The following PPP3CA variants were observed in gnomAD, a reference collection of about 807,000 sequenced individuals.
PPP3CA encodes CAM-PRP catalytic subunit.
PPP3CA carries 14 observed loss-of-function variants against 66.5 expected under a neutral mutation model. That is an observed-to-expected ratio of 0.21 (90% confidence interval 0.14 to 0.33). The LOEUF is 0.33. Among genes scored for constraint, PPP3CA ranks in the 10% least tolerant of loss-of-function variants. PPP3CA has a pLI of 1.00. For synonymous variants in PPP3CA, 232 were observed against 226.2 expected, an observed-to-expected ratio of 1.03 and a Z score of -0.23; for missense variants, 317 against 639.5, an observed-to-expected ratio of 0.50 and a Z score of 5.44.
intron 1 of PPP3CA, among the ~76,000 whole-genome samples, chr4:101,312,631 A>C (rs1290370506): frequency 6.6e-6 from 1 of 152,156 alleles, no homozygotes; most frequent in African/African-American, 2.4e-5. Context: ...ATTAAAAAAA[A>C]GTTCCTCCTT....
intron 1 of PPP3CA, among the ~76,000 whole-genome samples, chr4:101,273,475 T>C (rs1727396117): frequency 6.6e-6 from 1 of 152,102 alleles, no homozygotes; most frequent in East Asian, 1.9e-4. Flanking sequence ...TACAAGTGCA[T>C]GCCACCATGC....
At chr4:101,267,489 G>GA (rs1431421900) in intron 1 of PPP3CA, among the ~76,000 whole-genome samples, 1 of 152,096 alleles carries the variant, frequency 6.6e-6, no homozygotes, top group Non-Finnish European at 1.5e-5. Context: ...TTACAGTACA[G>GA]AAACTGTGCT....
intron 2 of PPP3CA, among the ~76,000 whole-genome samples, chr4:101,150,953 C>A (rs1723117336): frequency 6.6e-6 from 1 of 152,006 alleles, no homozygotes; most frequent in African/African-American, 2.4e-5. Flanking sequence ...CTCTACCATG[C>A]TATAAATTAC....
chr4:101,299,714 T>C (rs1046623634), intron 1 of PPP3CA, among the ~76,000 whole-genome samples: 16 of 152,190 alleles, frequency 1.1e-4, no homozygotes, highest in African/African-American at 2.4e-4. Flanking sequence ...AATACCCCCA[T>C]TGTACCAAAT....
chr4:101,069,067 C>T (rs563086531), intron 8 of PPP3CA, among the ~76,000 whole-genome samples: 1 of 152,140 alleles, frequency 6.6e-6, no homozygotes, highest in East Asian at 1.9e-4. Flanking sequence ...TGGGGTCTTG[C>T]TCTGTTGCTC....
chr4:101,196,108 A>C lies in PPP3CA; in HGVS notation c.67T>G (p.Phe23Val). Residue 23 changes from phenylalanine (F) to valine (V), a missense_variant, in exon 2 of 14, where the codon TTT becomes GTT. Transcript: ENST00000394854. ...GCTGTAAGCCGGTGACTTGGAGGAAATGGAACAGCTGAAAGAAGAAAGGTC... is the reference window on the plus strand; with the variant it reads ...GCTGTAAGCCGGTGACTTGGAGGAACTGGAACAGCTGAAAGAAGAAAGGTC... ...TTDRVVKAVP[F>V]PPSHRLTAKE... 1 of 1,613,844 alleles carries C rather than the reference A, an allele frequency of 6.2e-7. No individual in the cohort carries two copies. Among genetic ancestry groups the C allele is most frequent in the Non-Finnish European group, 8.5e-7 (1 of 1,179,904 alleles).
In PPP3CA at chr4:101,184,680, T is replaced by C. The variant is rs74686030; in HGVS notation, c.259+11236A>G. On this transcript the variant is annotated intron_variant, in intron 2 of 13. Coordinates refer to ENST00000394854, the MANE Select transcript of PPP3CA (RefSeq NM_000944.5). ...AATTATACATGTAGCTCACACTATG[T>C]ATCTACTAGACAGATTTCCTTCTCT... Among the ~76,000 whole-genome samples the C allele has an allele frequency of 8.2e-3, 1,242 of 152,282 alleles. 16 individuals are homozygous for C. The highest frequency in any genetic ancestry group is 0.029 in the African/African-American group (1,194 of 41,572).
chr4:101,312,454 A>T (rs192551244), intron 1 of PPP3CA, among the ~76,000 whole-genome samples: 1 of 152,102 alleles, frequency 6.6e-6, no homozygotes, highest in African/African-American at 2.4e-5. Flanking sequence ...ATTCACTGGG[A>T]GAAGAGTTTT....
In PPP3CA at chr4:101,058,968, C is replaced by A. The variant is rs1270589850; in HGVS notation, c.1156+2119G>T. Among the ~76,000 whole-genome samples the A allele has an allele frequency of 5.3e-5, 8 of 152,210 alleles. No individual in the cohort carries two copies. In the East Asian group the frequency reaches 1.5e-3, roughly 29 times the overall value. On this transcript the variant is annotated intron_variant, in intron 10 of 13. Transcript: ENST00000394854. ...ATTTTTGTTCTCTATATCATAAATA[C>A]TGGCCAGTGGACTTTGCAAAAAACA...
At chr4:101,228,336 T>C (rs944322201) in intron 1 of PPP3CA, among the ~76,000 whole-genome samples, 32 of 151,582 alleles carry the variant, frequency 2.1e-4, no homozygotes, top group Non-Finnish European at 3.7e-4. Flanking sequence ...TATGTGAAGT[T>C]TTATGAGAAT....
chr4:101,214,545 G>A (rs991459246), intron 1 of PPP3CA, among the ~76,000 whole-genome samples: 4 of 152,066 alleles, frequency 2.6e-5, no homozygotes. Context: ...CATACAGTAA[G>A]ACGTGCTGGC....
chr4:101,111,046 T>G (rs569778672), intron 2 of PPP3CA, among the ~76,000 whole-genome samples: 1 of 152,318 alleles, frequency 6.6e-6, no homozygotes, highest in Non-Finnish European at 1.5e-5. Flanking sequence ...AGGATAAAGC[T>G]TATTAGCTAA....
intron 1 of PPP3CA, among the ~76,000 whole-genome samples, chr4:101,295,277 C>A (rs1019351332): frequency 7.3e-6 from 1 of 137,184 alleles, no homozygotes; most frequent in South Asian, 2.3e-4. Context: ...GTCCGCAGTC[C>A]GGCCTGGGTG....
At chr4:101,307,656 A>G (rs1347770594) in intron 1 of PPP3CA, among the ~76,000 whole-genome samples, 2 of 152,242 alleles carry the variant, frequency 1.3e-5, no homozygotes, top group Non-Finnish European at 2.9e-5. Context: ...GTCAAGTATA[A>G]AACAGTTTTT....
intron 1 of PPP3CA, among the ~76,000 whole-genome samples, chr4:101,243,765 C>T (rs1469683980): frequency 6.6e-6 from 1 of 152,096 alleles, no homozygotes; most frequent in East Asian, 1.9e-4. Context: ...GAATTCTTGG[C>T]CAGGAGTTAA....
chr4:101,120,496 G>A (rs985944151), intron 2 of PPP3CA, among the ~76,000 whole-genome samples: 4 of 151,712 alleles, frequency 2.6e-5, no homozygotes, highest in African/African-American at 9.7e-5. Context: ...TCATTTTATT[G>A]CCCATTTCCA....
At chr4:101,187,074 G>GA (rs1451326997) in intron 2 of PPP3CA, among the ~76,000 whole-genome samples, 1 of 152,174 alleles carries the variant, frequency 6.6e-6, no homozygotes, top group African/African-American at 2.4e-5. Flanking sequence ...TACAAAGGTA[G>GA]AAAGTGGCAG....
At chr4:101,258,800 A>G (rs28534411) in intron 1 of PPP3CA, among the ~76,000 whole-genome samples, 2 of 152,066 alleles carry the variant, frequency 1.3e-5, no homozygotes, top group Admixed American at 6.6e-5. Flanking sequence ...TTCCCAAAAG[A>G]AATTAAACAT....
chr4:101,053,081 T>C (rs905976334), intron 10 of PPP3CA, among the ~76,000 whole-genome samples: 3 of 152,094 alleles, frequency 2.0e-5, no homozygotes, highest in Non-Finnish European at 4.4e-5. Context: ...TCACTGAATA[T>C]ATGGTAAAAT....
Sources: allele counts gnomAD v4.1 joint callset (sites outside exome capture counted in the v4.1 genomes callset), GRCh38; gene constraint gnomAD v4.1.1; transcripts MANE v1.5; gene names NCBI Gene and HGNC (gene_info 2026-07-23, HGNC 2026-07-21).